RCAN3: variants seen among roughly 807,000 people sequenced by gnomAD.
RCAN3 encodes regulator of calcineurin 3.
A neutral mutation model predicts 21.9 loss-of-function variants in RCAN3; 19 were observed. The ratio of observed to expected loss-of-function variants is 0.87; its 90% confidence interval spans 0.61 to 1.27. The LOEUF (loss-of-function observed/expected upper bound fraction) is 1.27, where lower values mean the gene tolerates loss of function less well. Ranked by LOEUF, RCAN3 falls within the 50% of genes most tolerant of loss-of-function variation. The pLI is 0.00. For missense variants in RCAN3, 240 were observed against 300.1 expected (o/e 0.80, Z 1.48); for synonymous variants, 114 against 112.3 (o/e 1.01, Z -0.09).
At chr1:24,512,303 C>T (rs975623220) in intron 1 of RCAN3, among the ~76,000 whole-genome samples, 8 of 150,836 alleles carry the variant, frequency 5.3e-5, no homozygotes, top group African/African-American at 2.0e-4. Context: ...GAGCCAAGAT[C>T]GTACTACTGC....
chr1:24,517,084 G>GT (rs11372088), intron 2 of RCAN3, among the ~76,000 whole-genome samples: 55,340 of 146,778 alleles, frequency 0.38, 10,723 homozygotes, highest in East Asian at 0.67. Flanking sequence ...CTATTTTTTT[G>GT]TTTTTTTTTG....
At chr1:24,524,715 A>G (rs1464815004) in intron 2 of RCAN3, among the ~76,000 whole-genome samples, 1 of 152,310 alleles carries the variant, frequency 6.6e-6, no homozygotes, top group Admixed American at 6.5e-5. Flanking sequence ...AAGACGTAGA[A>G]TATAAATCTC....
In RCAN3 at chr1:24,514,477, T is replaced by G; in HGVS notation, c.105T>G (p.Asp35Glu). The G allele has an allele frequency of 6.2e-7, 1 of 1,614,058 alleles. No individual in the cohort carries two copies. Among genetic ancestry groups the G allele is most frequent in the Non-Finnish European group, 8.5e-7 (1 of 1,179,990 alleles). Residue 35 changes from aspartate (D) to glutamate (E), a missense_variant, in exon 2 of 5, where the codon GAT becomes GAG. Asp to Glu is a conservative substitution (Grantham distance 45). Coordinates refer to ENST00000374395, the MANE Select transcript of RCAN3 (RefSeq NM_013441.4). Reference protein sequence around the residue: ...EEMIFGENEDDLDEMMDLSDL... With the variant: ...EEMIFGENEDELDEMMDLSDL... Reference sequence around the variant, plus strand: ...TGATTTTTGGTGAAAATGAAGATGATTTGGATGAGATGATGGATTTAAGTG... The same window carrying G: ...TGATTTTTGGTGAAAATGAAGATGAGTTGGATGAGATGATGGATTTAAGTG...
intron 1 of RCAN3, among the ~76,000 whole-genome samples, chr1:24,506,329 A>T (rs1197178921): frequency 6.6e-6 from 1 of 152,234 alleles, no homozygotes; most frequent in Non-Finnish European, 1.5e-5. Context: ...ACAATAATCT[A>T]AAGAAAAATT....
chr1:24,524,976 T>C (rs761767491), intron 2 of RCAN3, among the ~76,000 whole-genome samples: 3 of 151,984 alleles, frequency 2.0e-5, no homozygotes, highest in Non-Finnish European at 2.9e-5. Flanking sequence ...CTTTAATGTT[T>C]AATAGAAGTG....
chr1:24,523,773 G>A (rs931729218), intron 2 of RCAN3, among the ~76,000 whole-genome samples: 2 of 151,864 alleles, frequency 1.3e-5, no homozygotes, highest in Admixed American at 1.3e-4. Flanking sequence ...ATGAAATAAT[G>A]TAATATATTT....
rs1649190834 is a variant in RCAN3 at position 24,525,564 on chromosome 1, CAAAT to C, written c.196-5648_196-5645del. ...TAATGGAATCCCCATTATCTTTTCT[CAAAT>C]AAATATGCGGCCATCACCCAACAGG... On this transcript the variant is annotated intron_variant, in intron 2 of 4. Transcript: ENST00000374395. The surrounding 1 kb of genome is among the most constrained non-coding windows in gnomAD (Gnocchi z 4.1). Among the ~76,000 whole-genome samples the C allele has an allele frequency of 1.3e-5, 2 of 152,108 alleles. No homozygotes were observed. The highest frequency in any genetic ancestry group is 4.8e-5 in the African/African-American group (2 of 41,400).
chr1:24,514,625 G>A (rs1648147773), intron 2 of RCAN3, 58 bp downstream of exon 2: 1 of 1,523,466 alleles, frequency 6.6e-7, no homozygotes, highest in Non-Finnish European at 9.0e-7. Context: ...GTATGGATTT[G>A]GGGAAACAGA....
At chr1:24,533,302 A>G (rs1001314048) in intron 4 of RCAN3, 48 bp downstream of exon 4, 5 of 1,431,250 alleles carry the variant, frequency 3.5e-6, no homozygotes, top group Non-Finnish European at 4.7e-6. Context: ...AAACTTTTGT[A>G]TTGAAGATCG....
At chr1:24,523,196 T>C (rs1648959221) in intron 2 of RCAN3, among the ~76,000 whole-genome samples, 1 of 152,008 alleles carries the variant, frequency 6.6e-6, no homozygotes, top group African/African-American at 2.4e-5. Context: ...CCCGAGTAGC[T>C]GGGATTACAG....
rs1195028816 is a variant in RCAN3 at position 24,536,117 on chromosome 1, A to G, written c.*840A>G. 1 of 152,234 alleles carries G rather than the reference A, an allele frequency of 6.6e-6. No homozygotes were observed. Among genetic ancestry groups the G allele is most frequent in the Non-Finnish European group, 1.5e-5 (1 of 68,044 alleles). The allele number at this position is 152,234 out of a possible 1,614,324, so 9.4% of individuals were successfully genotyped here. A position where few individuals can be genotyped will look rare whatever the true frequency, so the allele number is the denominator to read the frequency against. Reference sequence around the variant, plus strand: ...GCCTGTAGACCACCCAGCTACCTTCATTCACCAGTTTTTATCCTTCACCTT... The same window carrying G: ...GCCTGTAGACCACCCAGCTACCTTCGTTCACCAGTTTTTATCCTTCACCTT... On this transcript the variant is annotated 3_prime_UTR_variant, in exon 5 of 5. Transcript: ENST00000374395.
intron 2 of RCAN3, among the ~76,000 whole-genome samples, chr1:24,514,911 A>G (rs552905543): frequency 6.6e-6 from 1 of 151,688 alleles, no homozygotes; most frequent in Non-Finnish European, 1.5e-5. Flanking sequence ...AGAGGTTGCA[A>G]AGAGCTGAGA....
chr1:24,523,478 T>TA (rs1648983151), intron 2 of RCAN3, among the ~76,000 whole-genome samples: 1 of 151,970 alleles, frequency 6.6e-6, no homozygotes, highest in Admixed American at 6.6e-5. Context: ...TCTGTAACAG[T>TA]AAACATTTGG....
chr1:24,524,089 T>C (rs973282765), intron 2 of RCAN3, among the ~76,000 whole-genome samples: 4 of 151,896 alleles, frequency 2.6e-5, no homozygotes, highest in African/African-American at 9.7e-5. Context: ...GAGTTGGGCA[T>C]AGTGGTGGTG....
At chr1:24,513,397 G>A (rs973902472) in intron 1 of RCAN3, among the ~76,000 whole-genome samples, 2 of 152,104 alleles carry the variant, frequency 1.3e-5, no homozygotes, top group African/African-American at 2.4e-5. Flanking sequence ...CAGATGTGGT[G>A]GCTCACACCC....
chr1:24,512,202 AC>A (rs1185439305), intron 1 of RCAN3, among the ~76,000 whole-genome samples: 1 of 151,920 alleles, frequency 6.6e-6, no homozygotes, highest in Non-Finnish European at 1.5e-5. Context: ...TACAAAAATT[AC>A]CCGGGCATGG....
chr1:24,523,224 C>T (rs193100394), intron 2 of RCAN3, among the ~76,000 whole-genome samples: 4 of 152,118 alleles, frequency 2.6e-5, no homozygotes, highest in African/African-American at 7.2e-5. Flanking sequence ...CCACTGCGCC[C>T]GGCTAATTTT....
At chr1:24,529,650 G>A (rs897474992) in intron 2 of RCAN3, among the ~76,000 whole-genome samples, 3 of 148,632 alleles carry the variant, frequency 2.0e-5, no homozygotes, top group Non-Finnish European at 3.0e-5. Flanking sequence ...TCCCAGGTTC[G>A]AGCAATTCTC....
chr1:24,531,746 A>G (rs1421824697), intron 3 of RCAN3, among the ~76,000 whole-genome samples: 1 of 152,140 alleles, frequency 6.6e-6, no homozygotes. Flanking sequence ...AAGACATGAA[A>G]TCCTTGGGAA....
Sources: gnomAD v4.1 joint callset for allele counts (sites outside exome capture counted in the v4.1 genomes callset) on GRCh38, gnomAD v4.1.1 for gene constraint, Gnocchi (gnomAD v3.1) non-coding constraint, MANE v1.5 for transcripts, NCBI Gene and HGNC (gene_info 2026-07-23, HGNC 2026-07-21) for gene names.